The following IL6ST variants were observed in gnomAD, a reference collection of about 807,000 sequenced individuals.
IL6ST encodes interleukin-6 receptor subunit beta.
Under a neutral mutation model 91.3 loss-of-function variants are expected in IL6ST, and 24 were observed. The observed-to-expected ratio is 0.26, with a 90% confidence interval of 0.19 to 0.37. IL6ST has a LOEUF of 0.37. IL6ST is among the 10% of genes least tolerant of loss of function. IL6ST has a pLI of 1.00. For synonymous variants in IL6ST, 351 were observed against 373.6 expected, an observed-to-expected ratio of 0.94 and a Z score of 0.70; for missense variants, 914 against 1,078.5, an observed-to-expected ratio of 0.85 and a Z score of 2.14.
chr5:55,970,815 G>A (rs1752917941), intron 3 of IL6ST, among the ~76,000 whole-genome samples: 1 of 152,134 alleles, frequency 6.6e-6, no homozygotes, highest in East Asian at 1.9e-4. Context: ...GCTGAGGCAT[G>A]AGAATCACCT....
chr5:55,953,357 C>T (rs1326094060), intron 11 of IL6ST, among the ~76,000 whole-genome samples: 1 of 152,188 alleles, frequency 6.6e-6, no homozygotes, highest in Non-Finnish European at 1.5e-5. Flanking sequence ...CATACGACTA[C>T]CTACCCAAAC....
rs71602925 is a variant in IL6ST at position 55,947,592 on chromosome 5, T to TAA, written c.1841-5_1841-4dup. The TAA allele has an allele frequency of 0.03, 11,741 of 387,342 alleles. 198 individuals carry two copies. Among genetic ancestry groups the TAA allele is most frequent in the African/African-American group, 0.081 (1,691 of 20,880 alleles). The allele number at this position is 387,342 out of a possible 1,614,324, so 24.0% of individuals were successfully genotyped here. A position where few individuals can be genotyped will look rare whatever the true frequency, so the allele number is the denominator to read the frequency against. On this transcript the variant is annotated splice_polypyrimidine_tract_variant and splice_region_variant and intron_variant, in intron 14 of 16. Transcript: ENST00000381298. ...TATGGCTTCAATTTCTCCTTGAGCT[T>TAA]AAAAAAAAAAAAAAAAAAAAAAAAA...
At chr5:55,980,902 A>C (rs1287825031) in intron 2 of IL6ST, among the ~76,000 whole-genome samples, 1 of 152,046 alleles carries the variant, frequency 6.6e-6, no homozygotes, top group African/African-American at 2.4e-5. Context: ...TTTTTTAAAA[A>C]TTTTTCTGTA....
chr5:55,951,591 A>G lies in IL6ST; in HGVS notation c.1713T>C (p.Asp571=). ...ACAATGTATATTCTGTGTGGGAAGAATCCACATTCACAGCTGGAAGAAATA... is the reference window on the plus strand; with the variant it reads ...ACAATGTATATTCTGTGTGGGAAGAGTCCACATTCACAGCTGGAAGAAATA... ...IIGNETAVNV[D]SSHTEYTLSS... The change falls in exon 14 of 17, where the codon GAT becomes GAC. Residue 571 remains aspartate (D), a synonymous_variant. Coordinates refer to ENST00000381298, the MANE Select transcript of IL6ST (RefSeq NM_002184.4). The G allele has an allele frequency of 6.2e-7, 1 of 1,609,410 alleles. No individual in the cohort carries two copies. The highest frequency in any genetic ancestry group is 8.5e-7 in the Non-Finnish European group (1 of 1,178,734).
intron 1 of IL6ST, among the ~76,000 whole-genome samples, chr5:55,994,409 A>C (rs967603770): frequency 6.6e-6 from 1 of 152,172 alleles, no homozygotes; most frequent in Admixed American, 6.5e-5. Flanking sequence ...CTCGAGAATG[A>C]AGACAAGTGC....
intron 8 of IL6ST, 53 bp from the exon 9 acceptor site, chr5:55,957,344 A>AT: frequency 1.1e-6 from 1 of 882,946 alleles, no homozygotes; most frequent in African/African-American, 1.7e-5. Flanking sequence ...CAGTAAAATA[A>AT]AATTCTGCAA....
Position 55,964,222 on chromosome 5 carries a change from A to C in IL6ST, c.582T>G (p.Ile194Met). The change falls in exon 6 of 17, where the codon ATT (isoleucine) becomes ATG (methionine). Residue 194 changes from isoleucine to methionine, a missense_variant. Transcript: ENST00000381298. ...VDYSTVYFVN[I>M]EVWVEAENAL... ...CATTCTCTGCTTCTACCCAGACTTC[A>C]ATGTTGACAAAATACACAGTAGAAT... 6.2e-7 allele frequency: 1 copy of C among 1,610,994 alleles called. No individual in the cohort carries two copies. The highest frequency in any genetic ancestry group is 8.5e-7 in the Non-Finnish European group (1 of 1,177,796).
At chr5:55,969,515 G>T in intron 4 of IL6ST, 35 bp downstream of exon 4, 1 of 1,428,944 alleles carries the variant, frequency 7.0e-7, no homozygotes, top group Non-Finnish European at 9.7e-7. Flanking sequence ...CAATAGTCAT[G>T]ACAAAGTCTG....
At position 55,968,281 on chromosome 5, in the gene IL6ST, A is replaced by C. The variant is rs777256484; in HGVS notation, c.486T>G (p.Ser162=). The C allele has an allele frequency of 1.9e-6, 3 of 1,585,016 alleles. No homozygotes were observed. The East Asian group carries it at 6.9e-5, about 36-fold the overall frequency. ...ACAAATTTAAAATAACGTACCATTC[A>C]GATTTTAAAGTGAAGTTTGTCTCCA... ...THLETNFTLK[S]EWATHKFADC... The change falls in exon 5 of 17, where the codon TCT becomes TCG. Residue 162 remains serine, a synonymous_variant. Transcript: ENST00000381298.
Position 55,940,513 on chromosome 5 carries a change from C to A in IL6ST, c.*569G>T. 4.7e-6 allele frequency: 1 copy of A among 213,468 alleles called. No homozygotes were observed. The highest frequency in any genetic ancestry group is 9.5e-6 in the Non-Finnish European group (1 of 105,314). 13.2% of individuals were successfully genotyped at this position (213,468 alleles called of 1,614,324 possible). ...GCAGCATCACTACCAATGGAAGGGA[C>A]CTAAGGAATACCGTGTACACTGATA... On this transcript the variant is annotated 3_prime_UTR_variant, in exon 17 of 17. Transcript: ENST00000381298.
intron 3 of IL6ST, among the ~76,000 whole-genome samples, chr5:55,975,108 G>T (rs927847697): frequency 6.6e-6 from 1 of 152,030 alleles, no homozygotes; most frequent in Non-Finnish European, 1.5e-5. Flanking sequence ...TCAGCCTCCT[G>T]AGTAGTTGGG....
chr5:55,990,946 G>T (rs1408899091), intron 1 of IL6ST, among the ~76,000 whole-genome samples: 1 of 141,340 alleles, frequency 7.1e-6, no homozygotes, highest in Non-Finnish European at 1.5e-5. Flanking sequence ...GTGTCCAAGC[G>T]TTCTCATTGT....
chr5:55,990,116 T>G (rs1212923490), intron 1 of IL6ST, among the ~76,000 whole-genome samples: 1 of 152,206 alleles, frequency 6.6e-6, no homozygotes, highest in Non-Finnish European at 1.5e-5. Context: ...AGATTTACAG[T>G]GCTGAAAGGA....
At position 55,953,472 on chromosome 5, in the gene IL6ST, C is replaced by T. The variant is rs527566414; in HGVS notation, c.1451-1121G>A. Among the ~76,000 whole-genome samples, 14 of 152,310 alleles carry T rather than the reference C, an allele frequency of 9.2e-5. No homozygotes were observed. In the South Asian group the frequency reaches 2.9e-3, roughly 32 times the overall value. On this transcript the variant is annotated intron_variant, in intron 11 of 16. Transcript: ENST00000381298. Reference sequence around the variant, plus strand: ...TGGCATGATCTTGGCTCACTGCAACCTCCGCCTCCCGGGTTCAAGAGATTC... The same window carrying T: ...TGGCATGATCTTGGCTCACTGCAACTTCCGCCTCCCGGGTTCAAGAGATTC...
intron 1 of IL6ST, among the ~76,000 whole-genome samples, chr5:55,991,065 G>A (rs1001710607): frequency 1.3e-5 from 2 of 152,172 alleles, no homozygotes; most frequent in Non-Finnish European, 2.9e-5. Context: ...CAAAGGACAT[G>A]AACTCATCCT....
intron 1 of IL6ST, among the ~76,000 whole-genome samples, chr5:55,989,268 ATTTAGTATCTGATTT>A: frequency 6.6e-6 from 1 of 152,126 alleles, no homozygotes; most frequent in Non-Finnish European, 1.5e-5. Flanking sequence ...GTATATAAGA[ATTTAGTATCTGATTT>A]TTTAAAAGGT....
At chr5:55,988,755 A>C (rs992066356) in intron 1 of IL6ST, among the ~76,000 whole-genome samples, 18 of 143,340 alleles carry the variant, frequency 1.3e-4, no homozygotes, top group African/African-American at 4.8e-4. Context: ...AACAAGAGCA[A>C]AACTCCATCT....
intron 3 of IL6ST, among the ~76,000 whole-genome samples, chr5:55,974,183 T>A (rs1753134817): frequency 6.6e-6 from 1 of 152,258 alleles, no homozygotes; most frequent in South Asian, 2.1e-4. Flanking sequence ...AGATTGGTTT[T>A]GGTATATTAC....
chr5:55,965,659 A>G (rs1382337291), intron 5 of IL6ST, among the ~76,000 whole-genome samples: 2 of 152,030 alleles, frequency 1.3e-5, no homozygotes, highest in African/African-American at 4.8e-5. Flanking sequence ...AAAGCATGTT[A>G]TATCAGAGAG....
Sources: gnomAD v4.1 joint callset for allele counts (sites outside exome capture counted in the v4.1 genomes callset) on GRCh38, gnomAD v4.1.1 for gene constraint, MANE v1.5 for transcripts, NCBI Gene and HGNC (gene_info 2026-07-23, HGNC 2026-07-21) for gene names.